Variants in ANKRD31 observed in about 807,000 individuals in gnomAD.
ANKRD31 encodes the protein ankyrin repeat domain-containing protein 31.
ANKRD31 carries 147 observed loss-of-function variants against 186.0 expected under a neutral mutation model. The observed-to-expected ratio is 0.79, with a 90% confidence interval of 0.69 to 0.91. ANKRD31 has a LOEUF of 0.91. Among genes scored for constraint, ANKRD31 ranks in the 40% least tolerant of loss-of-function variants. The probability of loss-of-function intolerance (pLI) is 0.00; values close to 1 mark genes in which losing one functional copy is unlikely to be tolerated. For missense variants in ANKRD31, 1,986 were observed against 2,148.8 expected (o/e 0.92, Z 1.50); for synonymous variants, 673 against 736.4 (o/e 0.91, Z 1.39).
At chr5:75,217,642 T>C (rs1034655481) in intron 3 of ANKRD31, among the ~76,000 whole-genome samples, 5 of 152,212 alleles carry the variant, frequency 3.3e-5, no homozygotes, top group African/African-American at 7.2e-5. Flanking sequence ...TTTGAGCCTA[T>C]GGGTATCACT....
intron 3 of ANKRD31, among the ~76,000 whole-genome samples, chr5:75,219,100 A>C (rs1757137052): frequency 6.6e-6 from 1 of 152,178 alleles, no homozygotes; most frequent in African/African-American, 2.4e-5. Flanking sequence ...GCCCTCTCTC[A>C]CCACTCCTAT....
intron 19 of ANKRD31, among the ~76,000 whole-genome samples, chr5:75,114,259 T>C (rs1209678739): frequency 6.6e-6 from 1 of 152,168 alleles, no homozygotes; most frequent in Non-Finnish European, 1.5e-5. Context: ...TTCCAGAATC[T>C]TTTCTACATC....
chr5:75,236,477 G>A lies in ANKRD31; in HGVS notation c.104+106C>T, dbSNP rs76882468. ...CACAAGGCTCTGATCCTGCCCACAA[G>A]CACATGTTCTGGTCACGATCTCCAC... On this transcript the variant is annotated intron_variant, in intron 1 of 25. Coordinates refer to ENST00000506364, the MANE Select transcript of ANKRD31 (RefSeq NM_001372053.1). 1,947 of 896,184 alleles carry A rather than the reference G, an allele frequency of 2.2e-3. 29 individuals are homozygous for A. In the African/African-American group the frequency reaches 0.027, roughly 12 times the overall value. The allele number at this position is 896,184 out of a possible 1,614,324, so 55.5% of individuals were successfully genotyped here.
At chr5:75,139,555 C>A (rs574986724) in intron 15 of ANKRD31, among the ~76,000 whole-genome samples, 1 of 152,058 alleles carries the variant, frequency 6.6e-6, no homozygotes, top group South Asian at 2.1e-4. Flanking sequence ...CTATTTCCTG[C>A]CAAAACCATG....
chr5:75,170,820 C>T (rs1753259796), intron 10 of ANKRD31, among the ~76,000 whole-genome samples: 1 of 151,856 alleles, frequency 6.6e-6, no homozygotes, highest in African/African-American at 2.4e-5. Context: ...CATAAGAAGG[C>T]TAGATGTCTA....
intron 10 of ANKRD31, among the ~76,000 whole-genome samples, chr5:75,175,659 AC>A (rs1753730275): frequency 1.3e-5 from 2 of 151,652 alleles, no homozygotes. Flanking sequence ...ACACACACAC[AC>A]ACACACACAC....
At chr5:75,158,943 AT>A (rs1217565499) in intron 11 of ANKRD31, among the ~76,000 whole-genome samples, 1 of 152,174 alleles carries the variant, frequency 6.6e-6, no homozygotes, top group African/African-American at 2.4e-5. Context: ...TATTATAAAT[AT>A]GTTCAAAGAG....
intron 10 of ANKRD31, among the ~76,000 whole-genome samples, chr5:75,177,261 C>T (rs867829022): frequency 2.0e-5 from 3 of 152,066 alleles, no homozygotes; most frequent in Non-Finnish European, 2.9e-5. Context: ...GTCTAATTGC[C>T]GTACCTGAAA....
chr5:75,150,209 A>C (rs917469241), intron 12 of ANKRD31, among the ~76,000 whole-genome samples: 9 of 151,786 alleles, frequency 5.9e-5, no homozygotes, highest in Non-Finnish European at 1.2e-4. Flanking sequence ...TTTACCCTAT[A>C]AGCTTTATAG....
rs1216846224 is a variant in ANKRD31 at position 75,216,404 on chromosome 5, C to T, written c.289-5539G>A. Among the ~76,000 whole-genome samples, 3 of 152,050 alleles carry T rather than the reference C, an allele frequency of 2.0e-5. No individual in the cohort carries two copies. The East Asian group carries it at 5.8e-4, about 29-fold the overall frequency. ...CATGTTCTGAGGTACAATACAGTTCCTGGTACAACAATCACATAGCAAATG... is the reference window on the plus strand; with the variant it reads ...CATGTTCTGAGGTACAATACAGTTCTTGGTACAACAATCACATAGCAAATG... On this transcript the variant is annotated intron_variant, in intron 3 of 25. Transcript: ENST00000506364.
intron 15 of ANKRD31, among the ~76,000 whole-genome samples, chr5:75,139,733 G>A (rs1312162177): frequency 2.0e-5 from 3 of 152,200 alleles, no homozygotes; most frequent in Non-Finnish European, 4.4e-5. Context: ...TGCCTGCAAA[G>A]GGAATTGTAG....
intron 10 of ANKRD31, among the ~76,000 whole-genome samples, chr5:75,176,530 C>T (rs1284255051): frequency 6.6e-6 from 1 of 152,140 alleles, no homozygotes; most frequent in African/African-American, 2.4e-5. Context: ...TCCTCTGAGA[C>T]AAAACTTCCA....
intron 17 of ANKRD31, among the ~76,000 whole-genome samples, chr5:75,118,616 A>G (rs1580360540): frequency 6.6e-6 from 1 of 152,220 alleles, no homozygotes; most frequent in Admixed American, 6.6e-5. Flanking sequence ...AAAATGTTCT[A>G]TATCTGCTCT....
chr5:75,167,921 G>A (rs984597503), intron 11 of ANKRD31, among the ~76,000 whole-genome samples: 11 of 152,112 alleles, frequency 7.2e-5, no homozygotes, highest in South Asian at 4.1e-4. Flanking sequence ...GTGCTTTGGC[G>A]TGAGGTTTCT....
rs559905668 is a variant in ANKRD31, at chr5:75,131,412, C to A, written c.3876+6444G>T. Among the ~76,000 whole-genome samples, 3 of 152,346 alleles carry A rather than the reference C, an allele frequency of 2.0e-5. No homozygotes were observed. The East Asian group carries it at 5.8e-4, about 29-fold the overall frequency. The stretch of plus-strand genomic sequence containing the variant: ...CACGCCCACAGAGCCTCACTCACTG[C>A]TAGCACAGCAGTCTGAGATCAAACT... On this transcript the variant is annotated intron_variant, in intron 17 of 25. Coordinates refer to ENST00000506364, the MANE Select transcript of ANKRD31 (RefSeq NM_001372053.1).
At chr5:75,105,700 C>A (rs1747279688) in intron 21 of ANKRD31, among the ~76,000 whole-genome samples, 1 of 152,054 alleles carries the variant, frequency 6.6e-6, no homozygotes, top group African/African-American at 2.4e-5. Context: ...TTTGGAAGAA[C>A]AAGATTGTTT....
chr5:75,182,025 G>A (rs10474431), intron 10 of ANKRD31, among the ~76,000 whole-genome samples: 28,759 of 152,096 alleles, frequency 0.19, 3,061 homozygotes, highest in South Asian at 0.39. Flanking sequence ...GATGGACAGA[G>A]AGATTTCAAG....
At chr5:75,136,558 C>T (rs561338031) in intron 17 of ANKRD31, among the ~76,000 whole-genome samples, 124 of 152,180 alleles carry the variant, frequency 8.1e-4, no homozygotes, top group African/African-American at 2.8e-3. Context: ...ACTTTTACAC[C>T]ATTGGTGGGA....
intron 8 of ANKRD31, 28 bp from the exon 9 acceptor site, chr5:75,192,804 G>A: frequency 6.9e-7 from 1 of 1,451,828 alleles, no homozygotes; most frequent in South Asian, 1.3e-5. Flanking sequence ...TTTTTAAATG[G>A]CTATAACGGT....
Sources: gnomAD v4.1 joint callset for allele counts (sites outside exome capture counted in the v4.1 genomes callset) on GRCh38, gnomAD v4.1.1 for gene constraint, MANE v1.5 for transcripts, NCBI Gene and HGNC (gene_info 2026-07-23, HGNC 2026-07-21) for gene names.